The following CDH12 variants were observed in gnomAD, a reference collection of about 807,000 sequenced individuals.
The protein encoded by CDH12 is cadherin-12.
Under a neutral mutation model 74.1 loss-of-function variants are expected in CDH12, and 41 were observed. The ratio of observed to expected loss-of-function variants is 0.55; its 90% CI spans 0.43 to 0.72. The LOEUF (loss-of-function observed/expected upper bound fraction) is 0.72, where lower values mean the gene tolerates loss of function less well. Among genes scored for constraint, CDH12 ranks in the 30% least tolerant of loss-of-function variants. The probability of loss-of-function intolerance (pLI) is 0.00; values close to 1 mark genes in which losing one functional copy is unlikely to be tolerated. For missense variants in CDH12, 945 were observed against 977.2 expected, an observed-to-expected ratio of 0.97 and a Z score of 0.44; for synonymous variants, 399 against 355.0, an observed-to-expected ratio of 1.12 and a Z score of -1.39.
intron 5 of CDH12, among the ~76,000 whole-genome samples, chr5:22,077,047 AGTGTGTGT>A (rs5866546): frequency 0.27 from 40,692 of 149,002 alleles, 5,778 homozygotes; most frequent in African/African-American, 0.37. Flanking sequence ...GCTTAATGGC[AGTGTGTGT>A]GTGTGTGTGT....
At chr5:22,602,209 C>T (rs950571681) in intron 1 of CDH12, among the ~76,000 whole-genome samples, 2 of 152,094 alleles carry the variant, frequency 1.3e-5, no homozygotes, top group South Asian at 4.1e-4. Flanking sequence ...CCTATGACTT[C>T]CTTGGATTAT....
At chr5:22,601,537 A>G (rs2126812782) in intron 1 of CDH12, among the ~76,000 whole-genome samples, 1 of 152,228 alleles carries the variant, frequency 6.6e-6, no homozygotes, top group African/African-American at 2.4e-5. Flanking sequence ...AAGGGGTTGA[A>G]CTAATCACAC....
Position 21,751,600 on chromosome 5 carries a change from T to C in CDH12, c.*137A>G. On this transcript the variant is annotated 3_prime_UTR_variant, in exon 15 of 15. Transcript: ENST00000382254. ...TAGAAACCAGGTAATCAAAGGAATC[T>C]TGTCCCAGAGTGTGTGTGTGTGTGT... 2.7e-6 allele frequency: 1 copy of C among 366,014 alleles called. No homozygotes were observed. The allele number at this position is 366,014 out of a possible 1,614,324, so 22.7% of individuals were successfully genotyped here.
intron 5 of CDH12, among the ~76,000 whole-genome samples, chr5:22,058,493 T>G (rs1304444302): frequency 1.3e-5 from 2 of 152,004 alleles, no homozygotes; most frequent in African/African-American, 4.8e-5. Flanking sequence ...ATATTGAAAA[T>G]TTTTTGGAAA....
intron 4 of CDH12, among the ~76,000 whole-genome samples, chr5:22,122,513 C>T (rs1233857444): frequency 1.3e-5 from 2 of 151,892 alleles, no homozygotes; most frequent in African/African-American, 4.8e-5. Flanking sequence ...CCTCACTACA[C>T]TACCAGCTTT....
intron 5 of CDH12, among the ~76,000 whole-genome samples, chr5:22,037,952 A>G (rs10213814): frequency 0.32 from 49,039 of 151,826 alleles, 9,705 homozygotes; most frequent in African/African-American, 0.57. Context: ...CAAAGCAAGA[A>G]AATCCCAGCA....
At chr5:22,361,693 C>G (rs1383501759) in intron 3 of CDH12, among the ~76,000 whole-genome samples, 7 of 152,142 alleles carry the variant, frequency 4.6e-5, no homozygotes, top group Non-Finnish European at 8.8e-5. Flanking sequence ...TACAAGGCTA[C>G]AGTAACCAAA....
chr5:21,854,520 A>C (rs1579839885), intron 7 of CDH12, 151 bp downstream of exon 7: 1 of 493,900 alleles, frequency 2.0e-6, no homozygotes, highest in Non-Finnish European at 3.5e-6. Context: ...GTTCTTCAGC[A>C]GCAAGGAAAG....
At chr5:22,080,941 G>A (rs1742684524) in intron 4 of CDH12, among the ~76,000 whole-genome samples, 1 of 151,550 alleles carries the variant, frequency 6.6e-6, no homozygotes, top group Admixed American at 6.6e-5. Context: ...CACCACACCC[G>A]GCTAATTTTT....
At chr5:22,381,419 T>TATAAC (rs1741753627) in intron 3 of CDH12, among the ~76,000 whole-genome samples, 1 of 152,090 alleles carries the variant, frequency 6.6e-6, no homozygotes, top group Non-Finnish European at 1.5e-5. Flanking sequence ...TACATTTCAT[T>TATAAC]TTATTCTATT....
intron 5 of CDH12, among the ~76,000 whole-genome samples, chr5:22,077,263 AG>A (rs1314602545): frequency 6.6e-6 from 1 of 152,162 alleles, no homozygotes; most frequent in African/African-American, 2.4e-5. Flanking sequence ...TTCTATTTAA[AG>A]AACTTTTCCA....
chr5:22,754,715 A>C (rs1745798966), intron 1 of CDH12, among the ~76,000 whole-genome samples: 1 of 152,212 alleles, frequency 6.6e-6, no homozygotes, highest in Non-Finnish European at 1.5e-5. Context: ...ATGAGTGGTA[A>C]GATTTTAGAT....
chr5:22,039,002 G>A (rs1317106149), intron 5 of CDH12, among the ~76,000 whole-genome samples: 1 of 152,100 alleles, frequency 6.6e-6, no homozygotes, highest in Non-Finnish European at 1.5e-5. Context: ...GACGCTTCTT[G>A]TCTCCTCCTG....
chr5:22,809,003 G>C (rs1748972113), intron 1 of CDH12, among the ~76,000 whole-genome samples: 1 of 151,666 alleles, frequency 6.6e-6, no homozygotes. Flanking sequence ...TTTAAAGCAA[G>C]TAGCTGTATT....
intron 11 of CDH12, among the ~76,000 whole-genome samples, chr5:21,780,602 GT>G (rs2149894941): frequency 6.6e-6 from 1 of 152,294 alleles, no homozygotes; most frequent in African/African-American, 2.4e-5. Context: ...AGATTAGATA[GT>G]TTTCTACTGA....
chr5:22,362,918 C>G (rs1298035720), intron 3 of CDH12, among the ~76,000 whole-genome samples: 2 of 113,892 alleles, frequency 1.8e-5, no homozygotes, highest in Non-Finnish European at 3.3e-5. Context: ...ACATAACACA[C>G]TGGGGCCTGT....
At chr5:22,697,559 G>A (rs1253623260) in intron 1 of CDH12, among the ~76,000 whole-genome samples, 2 of 123,062 alleles carry the variant, frequency 1.6e-5, no homozygotes, top group Non-Finnish European at 3.2e-5. Context: ...GCGACAGAGC[G>A]AGACTCTGTC....
intron 1 of CDH12, among the ~76,000 whole-genome samples, chr5:22,696,370 C>CAAAAA (rs1313736569): frequency 0.029 from 2,766 of 96,400 alleles, 185 homozygotes; most frequent in African/African-American, 0.12. Flanking sequence ...GACTCCGTCT[C>CAAAAA]AAAAAAAAAA....
At chr5:22,467,761 A>T (rs1160677654) in intron 2 of CDH12, among the ~76,000 whole-genome samples, 1 of 152,196 alleles carries the variant, frequency 6.6e-6, no homozygotes, top group Non-Finnish European at 1.5e-5. Flanking sequence ...AGTCTGTGTA[A>T]CCAGTTTCAC....
Sources: allele counts gnomAD v4.1 joint callset (sites outside exome capture counted in the v4.1 genomes callset), GRCh38; gene constraint gnomAD v4.1.1; transcripts MANE v1.5; gene names NCBI Gene and HGNC (gene_info 2026-07-23, HGNC 2026-07-21).